Variants in FRYL observed in about 807,000 individuals in gnomAD.
FRYL encodes protein furry homolog-like.
FRYL carries 150 observed loss-of-function variants against 351.2 expected under a neutral mutation model. The ratio of observed to expected loss-of-function variants is 0.43; its 90% CI spans 0.37 to 0.49. The LOEUF is 0.49. Ranked by LOEUF, FRYL falls within the 20% of genes least tolerant of loss-of-function variation. The probability of loss-of-function intolerance (pLI) is 0.00; values close to 1 mark genes in which losing one functional copy is unlikely to be tolerated. For synonymous variants in FRYL, 1,153 were observed against 1,257.1 expected (o/e 0.92, Z 1.75); for missense variants, 3,036 against 3,619.3 (o/e 0.84, Z 4.13).
intron 1 of FRYL, among the ~76,000 whole-genome samples, chr4:48,768,323 A>T (rs1775169347): frequency 6.6e-6 from 1 of 152,252 alleles, no homozygotes; most frequent in Non-Finnish European, 1.5e-5. Context: ...ATATTAATAC[A>T]TCAAAATACA....
chr4:48,556,754 C>T (rs1360813124), intron 35 of FRYL, among the ~76,000 whole-genome samples: 1 of 151,638 alleles, frequency 6.6e-6, no homozygotes, highest in African/African-American at 2.4e-5. Context: ...TCTGTATTAC[C>T]CATCAGATTG....
At chr4:48,536,222 C>T (rs997720593) in intron 47 of FRYL, among the ~76,000 whole-genome samples, 6 of 152,234 alleles carry the variant, frequency 3.9e-5, no homozygotes, top group East Asian at 1.9e-4. Flanking sequence ...AGGGAGGCTC[C>T]GAGCTGCTGT....
chr4:48,714,620 G>T (rs928966789), intron 1 of FRYL, among the ~76,000 whole-genome samples: 20 of 149,598 alleles, frequency 1.3e-4, no homozygotes, highest in African/African-American at 4.9e-4. Context: ...TGAAATTGTG[G>T]CAATAATCAA....
intron 57 of FRYL, among the ~76,000 whole-genome samples, chr4:48,511,825 TGGGA>T (rs921867278): frequency 3.3e-5 from 5 of 152,116 alleles, no homozygotes; most frequent in African/African-American, 7.2e-5. Flanking sequence ...GGGCAAAATT[TGGGA>T]GGAGAAAAGG....
In FRYL at chr4:48,717,714, T is replaced by A. The variant is rs957284911; in HGVS notation, c.-383-7016A>T. Among the ~76,000 whole-genome samples the A allele has an allele frequency of 4.0e-5, 6 of 151,386 alleles. 1 individual carries two copies. Among genetic ancestry groups the A allele is most frequent in the East Asian group, 2.0e-4 (1 of 5,122 alleles). On this transcript the variant is annotated intron_variant, in intron 1 of 63. Coordinates refer to ENST00000358350, the MANE Select transcript of FRYL (RefSeq NM_015030.2). ...TGCCACCATGTCTGACTAATTTTTT[T>A]AATTTTTTGTAGAGATGGGGTCTTG...
chr4:48,583,411 A>G lies in FRYL; in HGVS notation c.1749-677T>C, dbSNP rs1014265675. Among the ~76,000 whole-genome samples, 24 of 152,152 alleles carry G rather than the reference A, an allele frequency of 1.6e-4. No homozygotes were observed. In the Middle Eastern group the frequency reaches 0.01, roughly 65 times the overall value. ...CATGATCTGCCCGCCTCGGCCTCCC[A>G]AAGTGCTGGGATTACGGGCGTGAGC... On this transcript the variant is annotated intron_variant, in intron 19 of 63. Coordinates refer to ENST00000358350, the MANE Select transcript of FRYL (RefSeq NM_015030.2).
chr4:48,636,305 C>T (rs1310182663), intron 3 of FRYL, among the ~76,000 whole-genome samples: 1 of 151,908 alleles, frequency 6.6e-6, no homozygotes, highest in Non-Finnish European at 1.5e-5. Context: ...ATTAAGAGTA[C>T]CATAATTTAA....
At chr4:48,588,683 T>C (rs113562377) in intron 18 of FRYL, among the ~76,000 whole-genome samples, 8 of 151,878 alleles carry the variant, frequency 5.3e-5, no homozygotes, top group Non-Finnish European at 8.8e-5. Flanking sequence ...ATGGGCCTCT[T>C]TCTCTCTCTC....
chr4:48,545,942 A>G, intron 42 of FRYL, 125 bp downstream of exon 42: 1 of 867,554 alleles, frequency 1.2e-6, no homozygotes, highest in Non-Finnish European at 1.8e-6. Flanking sequence ...ATACTGTGCA[A>G]TACAAACCTG....
intron 1 of FRYL, among the ~76,000 whole-genome samples, chr4:48,732,568 C>A (rs1303165089): frequency 6.6e-6 from 1 of 152,070 alleles, no homozygotes; most frequent in Non-Finnish European, 1.5e-5. Context: ...AAATGTGGCA[C>A]ATATACACCA....
Position 48,581,510 on chromosome 4 carries a change from A to G in FRYL, c.2082T>C (p.Ile694=). Residue 694 remains isoleucine (I), a synonymous_variant, in exon 21 of 64, where the codon ATT becomes ATC. Coordinates refer to ENST00000358350, the MANE Select transcript of FRYL (RefSeq NM_015030.2). Reference sequence around the variant, plus strand: ...TAGTGGCAGGTCGACTGCTACAGAGAATGACAAGCGCAAAGCCTTCAACCA... The same window carrying G: ...TAGTGGCAGGTCGACTGCTACAGAGGATGACAAGCGCAAAGCCTTCAACCA... The part of the protein sequence containing the change: ...FHVVEGFALV[I]LCSSRPATRR... 6.2e-7 allele frequency: 1 copy of G among 1,614,122 alleles called. No individual in the cohort carries two copies.
At chr4:48,612,298 G>C (rs146906392) in intron 7 of FRYL, among the ~76,000 whole-genome samples, 341 of 152,046 alleles carry the variant, frequency 2.2e-3, no homozygotes, top group African/African-American at 7.8e-3. Flanking sequence ...GCATCCATGT[G>C]CATTCGTAAT....
Position 48,582,684 on chromosome 4 carries a change from A to G in FRYL, c.1799T>C (p.Leu600Pro). Residue 600 changes from leucine (L) to proline (P), a missense_variant, in exon 20 of 64, where the codon CTG becomes CCG. Around this residue, in one of 7 missense-constraint regions of FRYL, gnomAD observed 492 missense variants for 551.5 expected, o/e 0.89. Coordinates refer to ENST00000358350, the MANE Select transcript of FRYL (RefSeq NM_015030.2). ...EELRALAFNT[L>P]QALMLDFPDW... ...TGGAAAATCAAGCATTAGTGCCTGC[A>G]GAGTATTGAAAGCCAGAGCACGCAG... The G allele has an allele frequency of 6.2e-7, 1 of 1,614,186 alleles. No individual in the cohort carries two copies.
chr4:48,624,496 T>C (rs1751378127), intron 4 of FRYL, among the ~76,000 whole-genome samples: 1 of 152,160 alleles, frequency 6.6e-6, no homozygotes, highest in African/African-American at 2.4e-5. Context: ...GATCACTGTC[T>C]AAAATTAGTA....
At chr4:48,728,971 G>C (rs925116439) in intron 1 of FRYL, among the ~76,000 whole-genome samples, 1 of 152,252 alleles carries the variant, frequency 6.6e-6, no homozygotes, top group African/African-American at 2.4e-5. Context: ...TCCTAGCCAA[G>C]GGAAGCCGTG....
chr4:48,500,341 T>C (rs559700547), intron 62 of FRYL, 121 bp from the exon 63 acceptor site: 4 of 571,248 alleles, frequency 7.0e-6, no homozygotes, highest in South Asian at 7.6e-5. Flanking sequence ...TTTAAAATGT[T>C]TGTCTTGGAA....
intron 62 of FRYL, among the ~76,000 whole-genome samples, chr4:48,501,184 C>T (rs1005755680): frequency 1.4e-5 from 2 of 146,866 alleles, no homozygotes; most frequent in African/African-American, 5.0e-5. Context: ...AACTGATGTG[C>T]TTTGTTTGAC....
chr4:48,570,967 T>C, intron 26 of FRYL, 49 bp from the exon 27 acceptor site: 1 of 1,442,190 alleles, frequency 6.9e-7, no homozygotes, highest in Non-Finnish European at 9.7e-7. Flanking sequence ...TGGTGTAACT[T>C]GGAAAGAATA....
chr4:48,584,703 A>C (rs1741720792), intron 19 of FRYL, among the ~76,000 whole-genome samples: 1 of 152,246 alleles, frequency 6.6e-6, no homozygotes, highest in African/African-American at 2.4e-5. Context: ...TGCTCATTGT[A>C]CAGAGCAGAA....
Sources: allele counts gnomAD v4.1 joint callset (sites outside exome capture counted in the v4.1 genomes callset), GRCh38; gene constraint gnomAD v4.1.1; regional missense constraint gnomAD v4.1.1; transcripts MANE v1.5; gene names NCBI Gene and HGNC (gene_info 2026-07-23, HGNC 2026-07-21).